Variants in HSP90B1 observed in about 807,000 individuals in gnomAD.
HSP90B1 encodes heat shock protein 90 beta family member 1.
Under a neutral mutation model 100.4 loss-of-function variants are expected in HSP90B1, and 27 were observed. That is an observed-to-expected ratio of 0.27 (90% CI 0.20 to 0.37). The LOEUF (loss-of-function observed/expected upper bound fraction) is 0.37, where lower values mean the gene tolerates loss of function less well. HSP90B1 is among the 10% of genes least tolerant of loss of function. HSP90B1 has a pLI of 1.00. For synonymous variants in HSP90B1, 304 were observed against 330.8 expected, an observed-to-expected ratio of 0.92 and a Z score of 0.88; for missense variants, 678 against 960.5, an observed-to-expected ratio of 0.71 and a Z score of 3.89.
intron 8 of HSP90B1, among the ~76,000 whole-genome samples, chr12:103,941,021 T>A (rs1870059909): frequency 6.6e-6 from 1 of 152,200 alleles, no homozygotes; most frequent in Non-Finnish European, 1.5e-5. Context: ...TGTTCTTGAG[T>A]ACTTACTGTA....
Position 103,938,390 on chromosome 12 carries a change from G to A in HSP90B1, c.906G>A (p.Glu302=), listed in dbSNP as rs774612324. 6 of 1,583,112 alleles carry A rather than the reference G, an allele frequency of 3.8e-6. No homozygotes were observed. The highest frequency in any genetic ancestry group is 5.2e-6 in the Non-Finnish European group (6 of 1,159,130). Reference sequence around the variant, plus strand: ...AGGAAGAAGAAGCAGCCAAAGAAGAGAAAGAAGAATCTGATGATGAAGCTG... The same window carrying A: ...AGGAAGAAGAAGCAGCCAAAGAAGAAAAAGAAGAATCTGATGATGAAGCTG... ...PMEEEEAAKE[E]KEESDDEAAV... The change falls in exon 7 of 18, where the codon GAG becomes GAA. Residue 302 remains glutamate, a synonymous_variant. Transcript: ENST00000299767.
chr12:103,946,519 TACCAAG>T, intron 14 of HSP90B1, 93 bp from the exon 15 acceptor site: 1 of 826,066 alleles, frequency 1.2e-6, no homozygotes, highest in Admixed American at 2.6e-5. Context: ...TTTTTTTTTT[TACCAAG>T]AGTTGTTCTG....
chr12:103,943,935 A>G lies in HSP90B1; in HGVS notation c.2027+61A>G, dbSNP rs1354318167. ...GCCCCTTACCCAATCTTTGTTTTGG[A>G]GATAATACCAGCTTCAATACAAAGA... On this transcript the variant is annotated intron_variant, in intron 14 of 17. Coordinates refer to ENST00000299767, the MANE Select transcript of HSP90B1 (RefSeq NM_003299.3). The surrounding 1 kb of genome is among the most constrained non-coding windows in gnomAD (Gnocchi z 5.3). 1 of 1,493,924 alleles carries G rather than the reference A, an allele frequency of 6.7e-7. No individual in the cohort carries two copies. The highest frequency in any genetic ancestry group is 9.1e-7 in the Non-Finnish European group (1 of 1,103,228). The allele number at this position is 1,493,924 out of a possible 1,614,324, so 92.5% of individuals were successfully genotyped here.
chr12:103,940,616 AACTT>A lies in HSP90B1; in HGVS notation c.1093-789_1093-786del, dbSNP rs1178743926. Among the ~76,000 whole-genome samples, 3 of 152,158 alleles carry A rather than the reference AACTT, an allele frequency of 2.0e-5. No homozygotes were observed. The East Asian group carries it at 5.8e-4, about 29-fold the overall frequency. On this transcript the variant is annotated intron_variant, in intron 8 of 17. Coordinates refer to ENST00000299767, the MANE Select transcript of HSP90B1 (RefSeq NM_003299.3). ...AAACTCTAAAGTCCTAGTGTCTATA[AACTT>A]ACTTCATATAAAGCAGCTGTATTAG...
chr12:103,934,667 C>T (rs990068642), intron 5 of HSP90B1, among the ~76,000 whole-genome samples: 2 of 152,174 alleles, frequency 1.3e-5, no homozygotes, highest in Non-Finnish European at 2.9e-5. Flanking sequence ...GAGTTCTTTT[C>T]GGTGGCAGTT....
At chr12:103,940,819 A>G (rs1870056147) in intron 8 of HSP90B1, among the ~76,000 whole-genome samples, 5 of 152,214 alleles carry the variant, frequency 3.3e-5, no homozygotes, top group Admixed American at 3.3e-4. Flanking sequence ...CCTTTTTAAA[A>G]TTTGTACTGT....
intron 8 of HSP90B1, 134 bp downstream of exon 8, chr12:103,939,759 CA>C (rs1566166717): frequency 1.2e-5 from 6 of 487,124 alleles, no homozygotes; most frequent in East Asian, 3.5e-5. Context: ...TGAGAAAATT[CA>C]AAAAAAGACC....
Position 103,930,442 on chromosome 12 carries a change from A to C in HSP90B1, c.-74A>C, listed in dbSNP as rs755406544. 2.1e-6 allele frequency: 3 copies of C among 1,445,818 alleles called. No homozygotes were observed. Among genetic ancestry groups the C allele is most frequent in the Non-Finnish European group, 2.8e-6 (3 of 1,066,164 alleles). The allele number at this position is 1,445,818 out of a possible 1,614,324, so 89.6% of individuals were successfully genotyped here. On this transcript the variant is annotated 5_prime_UTR_variant, in exon 1 of 18. Coordinates refer to ENST00000299767, the MANE Select transcript of HSP90B1 (RefSeq NM_003299.3). The surrounding 1 kb of genome is among the most constrained non-coding windows in gnomAD (Gnocchi z 4.4). ...GGACCGCGCGGCTGGAGGTGTGAGG[A>C]TCCGAACCCAGGGGTGGGGGGTGGA...
intron 16 of HSP90B1, 103 bp downstream of exon 16, chr12:103,947,044 G>A (rs1185478473): frequency 5.1e-5 from 66 of 1,294,736 alleles, no homozygotes; most frequent in Non-Finnish European, 6.8e-5. Context: ...TGCGACATTT[G>A]CCTAATTTCT....
chr12:103,942,410 C>A, intron 11 of HSP90B1, 117 bp from the exon 12 acceptor site: 2 of 901,260 alleles, frequency 2.2e-6, no homozygotes, highest in Non-Finnish European at 3.3e-6. Flanking sequence ...TCCTGCCCCT[C>A]AATAAATGGC....
intron 7 of HSP90B1, 94 bp downstream of exon 7, chr12:103,938,553 G>C: frequency 7.1e-7 from 1 of 1,406,884 alleles, no homozygotes; most frequent in Non-Finnish European, 9.6e-7. Flanking sequence ...TTTGAAGTCA[G>C]CTTCAGTTCA....
In HSP90B1 at chr12:103,942,674, A is replaced by C; in HGVS notation, c.1522A>C (p.Lys508Gln). 6.2e-7 allele frequency: 1 copy of C among 1,614,006 alleles called. No individual in the cohort carries two copies. The highest frequency in any genetic ancestry group is 8.5e-7 in the Non-Finnish European group (1 of 1,179,876). Reference protein sequence around the residue: ...EDHSNRTRLAKLLRFQSSHHP... With the variant: ...EDHSNRTRLAQLLRFQSSHHP... ...CCACTCGAATCGAACACGTCTTGCTAAACTTCTTAGGTTCCAGTCTTCTCA... is the reference window on the plus strand; with the variant it reads ...CCACTCGAATCGAACACGTCTTGCTCAACTTCTTAGGTTCCAGTCTTCTCA... The change falls in exon 12 of 18, where the codon AAA becomes CAA. Residue 508 changes from lysine (K) to glutamine (Q), a missense_variant. Lys to Gln is a moderately conservative substitution (Grantham distance 53, BLOSUM62 1). This residue lies in a region of HSP90B1 where 170 missense variants were observed against 236.7 expected (regional missense o/e 0.72). Coordinates refer to ENST00000299767, the MANE Select transcript of HSP90B1 (RefSeq NM_003299.3).
At chr12:103,946,757 T>C (rs1870247878) in intron 15 of HSP90B1, 29 bp from the exon 16 acceptor site, 1 of 1,613,344 alleles carries the variant, frequency 6.2e-7, no homozygotes, top group Non-Finnish European at 8.5e-7. Context: ...TCTTTTAATA[T>C]TAATCTAGTG....
chr12:103,944,017 G>A (rs1870157123), intron 14 of HSP90B1, 143 bp downstream of exon 14: 5 of 666,882 alleles, frequency 7.5e-6, no homozygotes, highest in South Asian at 3.1e-5. Context: ...ACAAGTTTAC[G>A]AAGGGATTTC....
intron 6 of HSP90B1, 83 bp downstream of exon 6, chr12:103,937,889 C>A: frequency 1.4e-6 from 1 of 715,616 alleles, no homozygotes; most frequent in South Asian, 1.8e-5. Flanking sequence ...GAAGGCAGGC[C>A]GGCGCGGTGG....
intron 14 of HSP90B1, among the ~76,000 whole-genome samples, chr12:103,945,133 AC>A (rs1870190490): frequency 6.6e-6 from 1 of 151,832 alleles, no homozygotes; most frequent in Non-Finnish European, 1.5e-5. Flanking sequence ...GTCTTTTCTA[AC>A]ATTTAGACTA....
intron 16 of HSP90B1, among the ~76,000 whole-genome samples, 166 bp downstream of exon 16, chr12:103,947,107 G>T (rs898265414): frequency 1.3e-5 from 2 of 152,176 alleles, no homozygotes; most frequent in African/African-American, 4.8e-5. Flanking sequence ...GTCAGGCACT[G>T]CACTAGAAAC....
In HSP90B1 at chr12:103,930,589, G is replaced by A. The variant is rs377532924; in HGVS notation, c.49+25G>A. On this transcript the variant is annotated intron_variant, in intron 1 of 17. Coordinates refer to ENST00000299767, the MANE Select transcript of HSP90B1 (RefSeq NM_003299.3). The surrounding 1 kb of genome is among the most constrained non-coding windows in gnomAD (Gnocchi z 4.4). ...GGTGAGTGATTCTGGAGGAGCAGAC[G>A]TCCCCCCTCCACACACGCGGCCGCT... 1.3e-6 allele frequency: 2 copies of A among 1,598,182 alleles called. No individual in the cohort carries two copies. The highest frequency in any genetic ancestry group is 1.7e-6 in the Non-Finnish European group (2 of 1,173,390).
intron 2 of HSP90B1, chr12:103,931,901 G>A (rs1407244157): frequency 2.2e-6 from 1 of 458,526 alleles, no homozygotes; most frequent in Non-Finnish European, 4.0e-6. Flanking sequence ...TTCATTAACT[G>A]TGTACACCGA....
Sources: allele counts gnomAD v4.1 joint callset (sites outside exome capture counted in the v4.1 genomes callset), GRCh38; gene constraint gnomAD v4.1.1; regional missense constraint gnomAD v4.1.1; non-coding constraint Gnocchi (gnomAD v3.1); transcripts MANE v1.5; gene names NCBI Gene and HGNC (gene_info 2026-07-23, HGNC 2026-07-21).